The following NT5M variants were observed in gnomAD, a reference collection of about 807,000 sequenced individuals.
NT5M encodes 5',3'-nucleotidase, mitochondrial, also known as 5'(3')-deoxyribonucleotidase, mitochondrial.
In NT5M, 22 loss-of-function variants were observed where a neutral mutation model predicts 22.2. That is an observed-to-expected ratio of 0.99 (90% CI 0.71 to 1.41). The LOEUF is 1.41. Ranked by LOEUF, NT5M falls within the 40% of genes most tolerant of loss-of-function variation. NT5M has a pLI of 0.00. For synonymous variants in NT5M, 167 were observed against 133.0 expected, an observed-to-expected ratio of 1.26 and a Z score of -1.76; for missense variants, 322 against 314.8, an observed-to-expected ratio of 1.02 and a Z score of -0.17.
At chr17:17,331,426 T>A (rs1246487841) in intron 3 of NT5M, among the ~76,000 whole-genome samples, 1 of 151,724 alleles carries the variant, frequency 6.6e-6, no homozygotes, top group Non-Finnish European at 1.5e-5. Flanking sequence ...TTGTACACTT[T>A]AAATTGGTAA....
chr17:17,331,963 G>A (rs1284886038), intron 3 of NT5M, among the ~76,000 whole-genome samples: 6 of 151,202 alleles, frequency 4.0e-5, no homozygotes, highest in Non-Finnish European at 1.5e-5. Flanking sequence ...TGTATTTTTA[G>A]TAGAGGCAGG....
At chr17:17,331,065 T>C (rs2049375274) in intron 3 of NT5M, among the ~76,000 whole-genome samples, 1 of 151,672 alleles carries the variant, frequency 6.6e-6, no homozygotes, top group African/African-American at 2.4e-5. Flanking sequence ...TTACATTAAA[T>C]TTCCAGTTGC....
intron 2 of NT5M, among the ~76,000 whole-genome samples, chr17:17,319,902 G>A (rs551393944): frequency 6.6e-6 from 1 of 152,366 alleles, no homozygotes; most frequent in East Asian, 1.9e-4. Flanking sequence ...GAGTGCAGTG[G>A]TGTGATCTCG....
intron 2 of NT5M, among the ~76,000 whole-genome samples, chr17:17,318,717 G>A (rs1010108994): frequency 1.4e-5 from 2 of 148,128 alleles, no homozygotes; most frequent in African/African-American, 2.5e-5. Context: ...CCTGGGGAGC[G>A]GAGGTTGCAG....
intron 3 of NT5M, among the ~76,000 whole-genome samples, chr17:17,325,417 G>A (rs534071085): frequency 1.1e-4 from 16 of 152,188 alleles, no homozygotes; most frequent in Admixed American, 2.0e-4. Flanking sequence ...ATCAGGGGCC[G>A]TGCTGATGTC....
chr17:17,312,749 A>G (rs1032630203), intron 2 of NT5M, among the ~76,000 whole-genome samples: 1 of 151,512 alleles, frequency 6.6e-6, no homozygotes, highest in South Asian at 2.1e-4. Flanking sequence ...ACCTGAGCTC[A>G]GGAGTTTGAG....
chr17:17,314,544 A>T (rs943230283), intron 2 of NT5M, among the ~76,000 whole-genome samples: 1 of 152,160 alleles, frequency 6.6e-6, no homozygotes, highest in Non-Finnish European at 1.5e-5. Flanking sequence ...AGTCAGAGTG[A>T]TATTTTTTAA....
chr17:17,346,993 C>A lies in NT5M; in HGVS notation c.*46C>A, dbSNP rs745324247. 5.0e-6 allele frequency: 8 copies of A among 1,598,300 alleles called. No individual in the cohort carries two copies. The East Asian group carries it at 1.3e-4, about 27-fold the overall frequency. ...CCTCTGTGGGGCTCTGACCTCAGGG[C>A]TCCCAGCTCGGGGCCTGTGGGGCCA... On this transcript the variant is annotated 3_prime_UTR_variant, in exon 5 of 5. Coordinates refer to ENST00000389022, the MANE Select transcript of NT5M (RefSeq NM_020201.4).
At chr17:17,312,369 C>T (rs1317228096) in intron 2 of NT5M, among the ~76,000 whole-genome samples, 7 of 152,100 alleles carry the variant, frequency 4.6e-5, no homozygotes, top group East Asian at 3.9e-4. Context: ...CGGCCAGGCA[C>T]GGTGGCTCAC....
chr17:17,309,679 T>G lies in NT5M; in HGVS notation c.368+3036T>G, dbSNP rs868345225. On this transcript the variant is annotated intron_variant, in intron 2 of 4. Transcript: ENST00000389022. Reference sequence around the variant, plus strand: ...TGGCTAATGATGCTCAAGCATCTTTTTTTTTTTTTTTTTTTTGAGACAGAG... The same window carrying G: ...TGGCTAATGATGCTCAAGCATCTTTGTTTTTTTTTTTTTTTTGAGACAGAG... Among the ~76,000 whole-genome samples the G allele has an allele frequency of 6.9e-3, 1,026 of 148,364 alleles. 5 individuals carry two copies. The highest frequency in any genetic ancestry group is 0.014 in the Middle Eastern group (4 of 284).
rs189577159 is a variant in NT5M, at chr17:17,345,522, A to G, written c.544+614A>G. ...CAAAAAATACAAAAATTATCTGGGCATGGTGGTGCATGCCTGTAGTCCCAG... is the reference window on the plus strand; with the variant it reads ...CAAAAAATACAAAAATTATCTGGGCGTGGTGGTGCATGCCTGTAGTCCCAG... On this transcript the variant is annotated intron_variant, in intron 4 of 4. Transcript: ENST00000389022. Among the ~76,000 whole-genome samples the G allele has an allele frequency of 5.0e-3, 753 of 151,612 alleles. 3 individuals carry two copies. Among genetic ancestry groups the G allele is most frequent in the African/African-American group, 0.017 (713 of 41,344 alleles).
chr17:17,344,972 G>T (rs2049727942), intron 4 of NT5M, 64 bp downstream of exon 4: 2 of 1,604,296 alleles, frequency 1.2e-6, no homozygotes, highest in Non-Finnish European at 1.7e-6. Flanking sequence ...CCCTTCTCCT[G>T]GGCAGTGAGC....
At chr17:17,313,932 C>T (rs1039669908) in intron 2 of NT5M, among the ~76,000 whole-genome samples, 2 of 152,120 alleles carry the variant, frequency 1.3e-5, no homozygotes, top group African/African-American at 2.4e-5. Flanking sequence ...CAGCTCTGCG[C>T]GTGAGATAGG....
At chr17:17,319,287 G>C (rs2049102365) in intron 2 of NT5M, among the ~76,000 whole-genome samples, 1 of 151,946 alleles carries the variant, frequency 6.6e-6, no homozygotes, top group Non-Finnish European at 1.5e-5. Flanking sequence ...CCCGGGCTGT[G>C]GGGAGGGGCT....
intron 3 of NT5M, 42 bp from the exon 4 acceptor site, chr17:17,344,752 T>G (rs563341132): frequency 1.2e-6 from 2 of 1,604,292 alleles, no homozygotes; most frequent in African/African-American, 2.7e-5. Flanking sequence ...AGGTCTGATG[T>G]CACTTTCTTC....
chr17:17,306,211 A>G (rs1031908161), intron 1 of NT5M, among the ~76,000 whole-genome samples: 1 of 152,004 alleles, frequency 6.6e-6, no homozygotes, highest in East Asian at 1.9e-4. Context: ...AGTTTCCACA[A>G]TGCTTTTGGC....
At chr17:17,305,375 A>G (rs1050502978) in intron 1 of NT5M, among the ~76,000 whole-genome samples, 4 of 131,918 alleles carry the variant, frequency 3.0e-5, no homozygotes, top group African/African-American at 1.1e-4. Flanking sequence ...CTGGCCCAGT[A>G]TCTGTGGTTA....
rs536892967 is a variant in NT5M at position 17,316,614 on chromosome 17, G to C, written c.369-6571G>C. Among the ~76,000 whole-genome samples, 40 of 150,836 alleles carry C rather than the reference G, an allele frequency of 2.7e-4. No homozygotes were observed. In the South Asian group the frequency reaches 7.8e-3, roughly 29 times the overall value. Reference sequence around the variant, plus strand: ...TGGTCTGGAACTCCTAACCTTGGGTGATCAGCTCTCCTCGGCCTCCCGAAG... The same window carrying C: ...TGGTCTGGAACTCCTAACCTTGGGTCATCAGCTCTCCTCGGCCTCCCGAAG... On this transcript the variant is annotated intron_variant, in intron 2 of 4. Transcript: ENST00000389022.
chr17:17,326,475 G>C (rs2049268918), intron 3 of NT5M, among the ~76,000 whole-genome samples: 1 of 152,230 alleles, frequency 6.6e-6, no homozygotes, highest in South Asian at 2.1e-4. Flanking sequence ...TTGAACAAAG[G>C]CAGGACTGAT....
Sources: gnomAD v4.1 joint callset for allele counts (sites outside exome capture counted in the v4.1 genomes callset) on GRCh38, gnomAD v4.1.1 for gene constraint, MANE v1.5 for transcripts, NCBI Gene and HGNC (gene_info 2026-07-23, HGNC 2026-07-21) for gene names.